Variants in CSMD3 observed in about 807,000 individuals in gnomAD.
The protein encoded by CSMD3 is CUB and Sushi multiple domains 3, also known as CUB and sushi domain-containing protein 3.
A neutral mutation model predicts 435.2 loss-of-function variants in CSMD3; 177 were observed. That is an observed-to-expected ratio of 0.41 (90% CI 0.36 to 0.46). The LOEUF (loss-of-function observed/expected upper bound fraction) is 0.46, where lower values mean the gene tolerates loss of function less well. Among genes scored for constraint, CSMD3 ranks in the 20% least tolerant of loss-of-function variants. The pLI, the probability that CSMD3 is intolerant of heterozygous loss-of-function variation, is 0.34. For synonymous variants in CSMD3, 1,656 were observed against 1,520.5 expected (o/e 1.09, Z -2.07); for missense variants, 4,265 against 4,504.6 (o/e 0.95, Z 1.52).
intron 13 of CSMD3, among the ~76,000 whole-genome samples, chr8:112,769,224 G>C (rs2079225957): frequency 6.6e-6 from 1 of 151,836 alleles, no homozygotes; most frequent in Non-Finnish European, 1.5e-5. Context: ...CAGCCAGAGT[G>C]ATCTCTGGAA....
chr8:113,365,543 A>C (rs1428421461), intron 1 of CSMD3, among the ~76,000 whole-genome samples: 2 of 152,064 alleles, frequency 1.3e-5, no homozygotes, highest in African/African-American at 4.8e-5. Context: ...GCATCACAAA[A>C]AAATGATGTC....
intron 10 of CSMD3, among the ~76,000 whole-genome samples, chr8:112,901,325 A>G (rs2082103977): frequency 6.6e-6 from 1 of 151,306 alleles, no homozygotes; most frequent in South Asian, 2.1e-4. Context: ...CAATTTTGTC[A>G]GTGGGTCCAG....
intron 58 of CSMD3, 78 bp downstream of exon 58, chr8:112,286,986 C>T (rs2130631126): frequency 8.8e-7 from 1 of 1,142,790 alleles, no homozygotes; most frequent in Admixed American, 1.7e-5. Flanking sequence ...GAGTAATTTT[C>T]CTAGTAGTAC....
intron 23 of CSMD3, among the ~76,000 whole-genome samples, chr8:112,582,529 A>G (rs1029305112): frequency 1.3e-5 from 2 of 152,050 alleles, no homozygotes; most frequent in Admixed American, 6.6e-5. Flanking sequence ...TGTCAGGCAC[A>G]GTAAAATTAC....
At chr8:112,411,624 T>G (rs1045601074) in intron 32 of CSMD3, among the ~76,000 whole-genome samples, 15 of 152,054 alleles carry the variant, frequency 9.9e-5, no homozygotes, top group African/African-American at 3.6e-4. Flanking sequence ...TTCCCACACA[T>G]TATCATATTA....
At chr8:112,990,131 C>T (rs1263407951) in intron 6 of CSMD3, among the ~76,000 whole-genome samples, 9 of 152,048 alleles carry the variant, frequency 5.9e-5, no homozygotes, top group Non-Finnish European at 8.8e-5. Context: ...TTCCTTTATA[C>T]GTTACTCAGT....
intron 12 of CSMD3, among the ~76,000 whole-genome samples, chr8:112,817,871 T>A (rs1202904390): frequency 6.6e-6 from 1 of 152,118 alleles, no homozygotes; most frequent in African/African-American, 2.4e-5. Flanking sequence ...TGCTAAATAA[T>A]TTTATTGGTC....
intron 32 of CSMD3, among the ~76,000 whole-genome samples, chr8:112,470,387 T>C (rs1268154999): frequency 6.6e-6 from 1 of 152,108 alleles, no homozygotes; most frequent in African/African-American, 2.4e-5. Context: ...TGTATGCATG[T>C]GACTTACTAT....
At chr8:112,397,142 T>A in intron 35 of CSMD3, among the ~76,000 whole-genome samples, 1 of 152,312 alleles carries the variant, frequency 6.6e-6, no homozygotes, top group Non-Finnish European at 1.5e-5. Flanking sequence ...ATTCAGAACA[T>A]TTTGAAGCTA....
chr8:112,975,803 A>G (rs761132563), intron 7 of CSMD3, 34 bp downstream of exon 7: 1 of 1,611,802 alleles, frequency 6.2e-7, no homozygotes, highest in East Asian at 2.2e-5. Flanking sequence ...TTTGGCTGTA[A>G]CTAAATGGGC....
At chr8:112,688,102 T>A (rs1447942149) in intron 14 of CSMD3, among the ~76,000 whole-genome samples, 2 of 152,150 alleles carry the variant, frequency 1.3e-5, no homozygotes, top group Non-Finnish European at 2.9e-5. Context: ...GCACAATCAG[T>A]AAATGAAAGT....
intron 13 of CSMD3, among the ~76,000 whole-genome samples, chr8:112,779,137 A>T (rs1219515798): frequency 6.6e-6 from 1 of 151,282 alleles, no homozygotes; most frequent in East Asian, 2.0e-4. Flanking sequence ...TCTTCTCATT[A>T]TCTTGACACT....
chr8:112,399,894 G>A (rs1168298472), intron 35 of CSMD3, among the ~76,000 whole-genome samples: 1 of 152,084 alleles, frequency 6.6e-6, no homozygotes, highest in African/African-American at 2.4e-5. Context: ...GTAAAAAGAT[G>A]TTGCCTTTCT....
intron 46 of CSMD3, among the ~76,000 whole-genome samples, chr8:112,319,401 A>T (rs576521172): frequency 2.8e-4 from 43 of 152,054 alleles, no homozygotes; most frequent in African/African-American, 9.2e-4. Context: ...TTCGTATATA[A>T]TTTTTTTTCA....
At chr8:112,460,901 C>CA (rs1271849137) in intron 32 of CSMD3, among the ~76,000 whole-genome samples, 1 of 152,054 alleles carries the variant, frequency 6.6e-6, no homozygotes, top group Non-Finnish European at 1.5e-5. Context: ...CCCTCTAACT[C>CA]AGAGACTGGA....
At chr8:113,210,922 G>A (rs1158339328) in intron 3 of CSMD3, among the ~76,000 whole-genome samples, 2 of 151,350 alleles carry the variant, frequency 1.3e-5, no homozygotes, top group East Asian at 3.9e-4. Flanking sequence ...ACTTGACCAA[G>A]ACTACACATG....
At chr8:112,859,294 T>G in intron 10 of CSMD3, 28 bp from the exon 11 acceptor site, 1 of 1,593,208 alleles carries the variant, frequency 6.3e-7, no homozygotes, top group Non-Finnish European at 8.6e-7. Context: ...TTTTAAAAGA[T>G]GAACATATGT....
intron 32 of CSMD3, among the ~76,000 whole-genome samples, chr8:112,446,518 G>A (rs371499682): frequency 2.3e-4 from 35 of 152,282 alleles, no homozygotes; most frequent in African/African-American, 8.4e-4. Flanking sequence ...AAATTTACAT[G>A]CAAGAATAGA....
At chr8:112,787,038 C>T (rs2078561571) in intron 13 of CSMD3, among the ~76,000 whole-genome samples, 1 of 152,080 alleles carries the variant, frequency 6.6e-6, no homozygotes, top group Admixed American at 6.6e-5. Context: ...CCAGCTTCAT[C>T]CAGGTCCCTG....
Sources: allele counts gnomAD v4.1 joint callset (sites outside exome capture counted in the v4.1 genomes callset), GRCh38; gene constraint gnomAD v4.1.1; transcripts MANE v1.5; gene names NCBI Gene and HGNC (gene_info 2026-07-23, HGNC 2026-07-21).